The following RORB variants were observed in gnomAD, a reference collection of about 807,000 sequenced individuals.
The protein encoded by RORB is RAR related orphan receptor B, also known as nuclear receptor ROR-beta.
RORB carries 6 observed loss-of-function variants against 59.1 expected under a neutral mutation model. The ratio of observed to expected loss-of-function variants is 0.10; its 90% CI spans 0.06 to 0.20. The LOEUF is 0.20. RORB is among the 10% of genes least tolerant of loss of function. The pLI, the probability that RORB is intolerant of heterozygous loss-of-function variation, is 1.00. For synonymous variants in RORB, 215 were observed against 204.5 expected, an observed-to-expected ratio of 1.05 and a Z score of -0.44; for missense variants, 320 against 560.5, an observed-to-expected ratio of 0.57 and a Z score of 4.33.
At chr9:74,610,317 G>A (rs763088694) in intron 1 of RORB, among the ~76,000 whole-genome samples, 1 of 152,144 alleles carries the variant, frequency 6.6e-6, no homozygotes, top group African/African-American at 2.4e-5. Context: ...ATTTTAACAT[G>A]CAGCCAAGTT....
At chr9:74,536,677 CTG>C (rs1373645261) in intron 1 of RORB, among the ~76,000 whole-genome samples, 2 of 151,962 alleles carry the variant, frequency 1.3e-5, no homozygotes, top group Non-Finnish European at 2.9e-5. Context: ...CAGAAATGGA[CTG>C]TGTATCTGGA....
Position 74,685,768 on chromosome 9 carries a change from A to G in RORB, c.*150A>G. The G allele has an allele frequency of 2.0e-6, 1 of 505,008 alleles. No homozygotes were observed. Among genetic ancestry groups the G allele is most frequent in the African/African-American group, 2.0e-5 (1 of 51,242 alleles). 31.3% of individuals were successfully genotyped at this position (505,008 alleles called of 1,614,324 possible). ...ATTATTTTTCACCGCTACAGTTTGA[A>G]GAATGTAAATATGCACCTGAGTGGG... On this transcript the variant is annotated 3_prime_UTR_variant, in exon 10 of 10. Coordinates refer to ENST00000376896, the MANE Select transcript of RORB (RefSeq NM_006914.4).
chr9:74,645,838 C>T (rs1823888235), intron 4 of RORB, among the ~76,000 whole-genome samples: 1 of 152,114 alleles, frequency 6.6e-6, no homozygotes. Context: ...AAAACCCATT[C>T]TTTTAACCGT....
rs773586722 is a variant in RORB at position 74,662,556 on chromosome 9, C to T, written c.842C>T (p.Thr281Ile). The T allele has an allele frequency of 1.2e-6, 2 of 1,614,010 alleles. No individual in the cohort carries two copies. ...QYVVEFAKRI[T>I]GFMELCQNDQ... ...GTGGTGGAGTTTGCAAAGCGGATAA[C>T]AGGCTTCATGGAGCTCTGTCAAAAT... is the stretch of plus-strand genomic sequence containing the variant. The change falls in exon 6 of 10, where the codon ACA (threonine) becomes ATA (isoleucine). Residue 281 changes from threonine to isoleucine, a missense_variant. Thr to Ile is a moderately conservative substitution (Grantham distance 89). This residue lies in a region of RORB where 40 missense variants were observed against 116.9 expected (regional missense o/e 0.34). Coordinates refer to ENST00000376896, the MANE Select transcript of RORB (RefSeq NM_006914.4).
rs961074398 is a variant in RORB at position 74,679,998 on chromosome 9, G to T, written c.1225-5465G>T. On this transcript the variant is annotated intron_variant, in intron 9 of 9. Transcript: ENST00000376896. ...CGCATCTGTAGTCCCAGCTACTCGG[G>T]AAGCTGAGGCAGGAGAATTGCTTGA... is the stretch of plus-strand genomic sequence containing the variant. Among the ~76,000 whole-genome samples, 8 of 152,206 alleles carry T rather than the reference G, an allele frequency of 5.3e-5. 1 individual carries two copies. The highest frequency in any genetic ancestry group is 3.4e-3 in the Middle Eastern group (1 of 294).
intron 1 of RORB, among the ~76,000 whole-genome samples, chr9:74,564,124 A>G (rs113750154): frequency 0.028 from 4,331 of 152,342 alleles, 81 homozygotes; most frequent in Non-Finnish European, 0.043. Flanking sequence ...TCTATGAATT[A>G]GAAAACCTGG....
At chr9:74,660,258 T>G (rs965620485) in intron 4 of RORB, among the ~76,000 whole-genome samples, 2 of 152,178 alleles carry the variant, frequency 1.3e-5, no homozygotes, top group African/African-American at 2.4e-5. Flanking sequence ...CAAAACATTT[T>G]AAAGTATTTG....
intron 1 of RORB, among the ~76,000 whole-genome samples, chr9:74,503,772 A>G (rs1825833610): frequency 6.6e-6 from 1 of 152,050 alleles, no homozygotes; most frequent in African/African-American, 2.4e-5. Flanking sequence ...AGAGGAATAA[A>G]TATTGATTGA....
At chr9:74,682,075 A>G (rs762945511) in intron 9 of RORB, among the ~76,000 whole-genome samples, 13 of 152,014 alleles carry the variant, frequency 8.6e-5, no homozygotes, top group Non-Finnish European at 1.8e-4. Flanking sequence ...AGGAAGAGAG[A>G]TATCTCAGAC....
At chr9:74,530,992 T>A (rs1826228732) in intron 1 of RORB, among the ~76,000 whole-genome samples, 1 of 151,952 alleles carries the variant, frequency 6.6e-6, no homozygotes, top group East Asian at 1.9e-4. Context: ...ATCCCAGAAA[T>A]GATTTATAAC....
At chr9:74,570,619 G>A (rs1429088995) in intron 1 of RORB, among the ~76,000 whole-genome samples, 1 of 152,062 alleles carries the variant, frequency 6.6e-6, no homozygotes, top group Non-Finnish European at 1.5e-5. Context: ...ACAATTTTAG[G>A]GGAGCAAGAG....
At chr9:74,582,275 T>A (rs1822736478) in intron 1 of RORB, among the ~76,000 whole-genome samples, 1 of 152,204 alleles carries the variant, frequency 6.6e-6, no homozygotes, top group African/African-American at 2.4e-5. Context: ...TAAACCATTC[T>A]AGGGTAACTG....
At chr9:74,668,617 G>T (rs765973926) in intron 8 of RORB, among the ~76,000 whole-genome samples, 3 of 152,224 alleles carry the variant, frequency 2.0e-5, no homozygotes, top group South Asian at 2.1e-4. Flanking sequence ...TTACAATAAA[G>T]TAAGCTAGAG....
intron 1 of RORB, among the ~76,000 whole-genome samples, chr9:74,616,671 T>G (rs186177800): frequency 6.6e-6 from 1 of 152,330 alleles, no homozygotes; most frequent in African/African-American, 2.4e-5. Context: ...CTAACGTCTA[T>G]GTACTTAATC....
intron 1 of RORB, among the ~76,000 whole-genome samples, chr9:74,603,318 G>A (rs537918785): frequency 2.0e-4 from 31 of 152,302 alleles, no homozygotes; most frequent in African/African-American, 6.0e-4. Context: ...TTCATGCTCA[G>A]TAGCAACCAC....
chr9:74,687,339 T>A lies in RORB; in HGVS notation c.*1721T>A, dbSNP rs137905584. On this transcript the variant is annotated 3_prime_UTR_variant, in exon 10 of 10. Transcript: ENST00000376896. Reference sequence around the variant, plus strand: ...ACACACACACATACAAACCCCTGCTTTGTAAAGTTTCCATCAGTGGAAACT... The same window carrying A: ...ACACACACACATACAAACCCCTGCTATGTAAAGTTTCCATCAGTGGAAACT... 1 of 152,154 alleles carries A rather than the reference T, an allele frequency of 6.6e-6. No homozygotes were observed. Among genetic ancestry groups the A allele is most frequent in the Non-Finnish European group, 1.5e-5 (1 of 67,962 alleles). The allele number at this position is 152,154 out of a possible 1,614,324, so 9.4% of individuals were successfully genotyped here.
chr9:74,682,072 G>A (rs1284479690), intron 9 of RORB, among the ~76,000 whole-genome samples: 1 of 152,100 alleles, frequency 6.6e-6, no homozygotes, highest in Non-Finnish European at 1.5e-5. Context: ...GAAAGGAAGA[G>A]AGATATCTCA....
At chr9:74,531,374 A>T (rs1032609713) in intron 1 of RORB, among the ~76,000 whole-genome samples, 1 of 152,012 alleles carries the variant, frequency 6.6e-6, no homozygotes, top group Admixed American at 6.6e-5. Context: ...CCAAATCAAA[A>T]GTGGCCCCAA....
Position 74,660,555 on chromosome 9 carries a change from T to C in RORB, c.638-62T>C. 3 of 1,508,642 alleles carry C rather than the reference T, an allele frequency of 2.0e-6. No homozygotes were observed. The South Asian group carries it at 4.0e-5, about 20-fold the overall frequency. The allele number at this position is 1,508,642 out of a possible 1,614,324, so 93.5% of individuals were successfully genotyped here. ...AAAGGCATTCTTATAGTAAACACAT[T>C]AAAAGCTAATGAGCAGAGTAATTTT... is the stretch of plus-strand genomic sequence containing the variant. On this transcript the variant is annotated intron_variant, in intron 4 of 9. Coordinates refer to ENST00000376896, the MANE Select transcript of RORB (RefSeq NM_006914.4).
Sources: gnomAD v4.1 joint callset for allele counts (sites outside exome capture counted in the v4.1 genomes callset) on GRCh38, gnomAD v4.1.1 for gene constraint, gnomAD v4.1.1 regional missense constraint, MANE v1.5 for transcripts, NCBI Gene and HGNC (gene_info 2026-07-23, HGNC 2026-07-21) for gene names.